The following GRM8 variants were observed in gnomAD, a reference collection of about 807,000 sequenced individuals.
GRM8 encodes the protein metabotropic glutamate receptor 8.
GRM8 carries 47 observed loss-of-function variants against 87.2 expected under a neutral mutation model. That is an observed-to-expected ratio of 0.54 (90% CI 0.43 to 0.69). The LOEUF is 0.69. GRM8 is among the 30% of genes least tolerant of loss of function. The probability of loss-of-function intolerance (pLI) is 0.00; values close to 1 mark genes in which losing one functional copy is unlikely to be tolerated. For synonymous variants in GRM8, 396 were observed against 404.5 expected (o/e 0.98, Z 0.25); for missense variants, 1,019 against 1,139.2 (o/e 0.89, Z 1.52).
intron 7 of GRM8, among the ~76,000 whole-genome samples, chr7:126,735,052 T>C (rs542914355): frequency 2.0e-5 from 3 of 152,092 alleles, no homozygotes; most frequent in Non-Finnish European, 2.9e-5. Context: ...TCCATAGGAC[T>C]GTTACACATT....
rs10227949 is a variant in GRM8 at position 126,685,379 on chromosome 7, C to T, written c.1358-75881G>A. 0.2 allele frequency among the ~76,000 whole-genome samples: 30,790 copies of T among 152,034 alleles called. 3,313 individuals carry two copies. Among genetic ancestry groups the T allele is most frequent in the Non-Finnish European group, 0.23 (15,319 of 67,932 alleles). ...GGAGCCTGCAAGAGCCCTGGACAAG[C>T]GGGAGACCCACCCCCTCTGAGTTAG... is the stretch of plus-strand genomic sequence containing the variant. On this transcript the variant is annotated intron_variant, in intron 7 of 10. Transcript: ENST00000339582. The surrounding 1 kb of genome is among the most constrained non-coding windows in gnomAD (Gnocchi z 4.2).
intron 8 of GRM8, among the ~76,000 whole-genome samples, chr7:126,584,259 A>G (rs1795887068): frequency 6.6e-6 from 1 of 151,946 alleles, no homozygotes; most frequent in Admixed American, 6.6e-5. Flanking sequence ...AGAGTCTCAC[A>G]CCATAACCCA....
At chr7:126,748,161 G>A (rs976737510) in intron 7 of GRM8, among the ~76,000 whole-genome samples, 3 of 151,970 alleles carry the variant, frequency 2.0e-5, no homozygotes, top group Non-Finnish European at 4.4e-5. Flanking sequence ...GACCTAACCA[G>A]TAGCATAAAT....
intron 9 of GRM8, among the ~76,000 whole-genome samples, chr7:126,492,240 G>A (rs1056261008): frequency 1.6e-4 from 24 of 151,860 alleles, no homozygotes; most frequent in African/African-American, 4.8e-4. Flanking sequence ...TTTTAGAGAC[G>A]GGGTTTCGCC....
intron 3 of GRM8, among the ~76,000 whole-genome samples, chr7:127,001,148 A>G (rs1270084015): frequency 1.3e-5 from 2 of 151,700 alleles, no homozygotes; most frequent in African/African-American, 4.8e-5. Context: ...CAAAGTGCCA[A>G]GATAATTTAA....
intron 9 of GRM8, among the ~76,000 whole-genome samples, chr7:126,521,427 C>T (rs74554939): frequency 0.027 from 4,108 of 151,666 alleles, 156 homozygotes; most frequent in East Asian, 0.079. Context: ...TTCTAAAATC[C>T]CACAAAAACC....
chr7:127,054,069 T>A (rs1819747041), intron 3 of GRM8, among the ~76,000 whole-genome samples: 1 of 152,218 alleles, frequency 6.6e-6, no homozygotes, highest in Admixed American at 6.5e-5. Context: ...ATCTCAGTGA[T>A]AATATTAATA....
At chr7:126,921,630 G>A (rs763767082) in intron 3 of GRM8, among the ~76,000 whole-genome samples, 1 of 152,056 alleles carries the variant, frequency 6.6e-6, no homozygotes, top group Non-Finnish European at 1.5e-5. Flanking sequence ...GATTTTCACA[G>A]CAATAATGTG....
chr7:127,151,631 C>G (rs1828864651), intron 2 of GRM8, among the ~76,000 whole-genome samples: 1 of 152,040 alleles, frequency 6.6e-6, no homozygotes, highest in Non-Finnish European at 1.5e-5. Flanking sequence ...AGTTCTTGAG[C>G]CCCTGAGTTT....
intron 6 of GRM8, among the ~76,000 whole-genome samples, chr7:126,882,566 A>G (rs956288545): frequency 3.9e-5 from 6 of 152,232 alleles, no homozygotes; most frequent in Non-Finnish European, 8.8e-5. Flanking sequence ...AGCTAAGAGG[A>G]GAACATTTAC....
intron 6 of GRM8, among the ~76,000 whole-genome samples, chr7:126,887,966 A>G (rs993782223): frequency 2.6e-5 from 4 of 152,148 alleles, no homozygotes; most frequent in African/African-American, 9.6e-5. Context: ...TCATGCCAGA[A>G]TCCAAGGAGG....
intron 3 of GRM8, among the ~76,000 whole-genome samples, chr7:127,036,787 G>A (rs538939085): frequency 1.4e-4 from 22 of 152,266 alleles, no homozygotes; most frequent in Non-Finnish European, 3.1e-4. Context: ...ACTAAGGACA[G>A]ACTTTTCCCA....
intron 10 of GRM8, 188 bp downstream of exon 10, chr7:126,445,938 A>G (rs1236202219): frequency 6.1e-6 from 4 of 651,760 alleles, no homozygotes; most frequent in Admixed American, 5.4e-5. Context: ...TACTCTGTAG[A>G]ACAGCCGCTC....
At chr7:126,992,838 T>G (rs540335826) in intron 3 of GRM8, among the ~76,000 whole-genome samples, 10 of 151,982 alleles carry the variant, frequency 6.6e-5, no homozygotes, top group Admixed American at 2.0e-4. Context: ...TATGTGTGTG[T>G]GTGTGTGTGT....
At chr7:126,675,929 A>G (rs1806910442) in intron 7 of GRM8, among the ~76,000 whole-genome samples, 1 of 152,218 alleles carries the variant, frequency 6.6e-6, no homozygotes, top group African/African-American at 2.4e-5. Context: ...TCATCCAAAT[A>G]GGAAAAGAGG....
rs79748864 is a variant in GRM8, at chr7:127,048,329, A to T, written c.727+58167T>A. On this transcript the variant is annotated intron_variant, in intron 3 of 10. Transcript: ENST00000339582. Reference sequence around the variant, plus strand: ...GAGATTGGGATAGCTGGGACAGATGAAGCAGAGAGAATAGGAGGTGAGATC... The same window carrying T: ...GAGATTGGGATAGCTGGGACAGATGTAGCAGAGAGAATAGGAGGTGAGATC... Among the ~76,000 whole-genome samples, 4 of 152,352 alleles carry T rather than the reference A, an allele frequency of 2.6e-5. No individual in the cohort carries two copies. In the East Asian group the frequency reaches 7.7e-4, roughly 29 times the overall value.
intron 6 of GRM8, among the ~76,000 whole-genome samples, chr7:126,856,036 A>G (rs1322921687): frequency 6.6e-6 from 1 of 152,180 alleles, no homozygotes; most frequent in Admixed American, 6.5e-5. Flanking sequence ...TCAATGATTA[A>G]GAAGCATGAA....
intron 3 of GRM8, among the ~76,000 whole-genome samples, chr7:127,042,785 C>A (rs1818546629): frequency 6.6e-6 from 1 of 152,268 alleles, no homozygotes. Flanking sequence ...AACTAAAGCA[C>A]TTCTGCACAG....
At chr7:127,021,958 G>C (rs865983622) in intron 3 of GRM8, among the ~76,000 whole-genome samples, 1 of 151,970 alleles carries the variant, frequency 6.6e-6, no homozygotes, top group Non-Finnish European at 1.5e-5. Flanking sequence ...GTTGAATGCC[G>C]ATGAAACAAT....
Sources: allele counts gnomAD v4.1 joint callset (sites outside exome capture counted in the v4.1 genomes callset), GRCh38; gene constraint gnomAD v4.1.1; non-coding constraint Gnocchi (gnomAD v3.1); transcripts MANE v1.5; gene names NCBI Gene and HGNC (gene_info 2026-07-23, HGNC 2026-07-21).